CADPS: variants seen among roughly 807,000 people sequenced by gnomAD.
CADPS encodes the protein calcium dependent secretion activator, also known as calcium-dependent secretion activator 1.
CADPS carries 57 observed loss-of-function variants against 167.3 expected under a neutral mutation model. The ratio of observed to expected loss-of-function variants is 0.34; its 90% CI spans 0.28 to 0.42. CADPS has a LOEUF of 0.42. Ranked by LOEUF, CADPS falls within the 20% of genes least tolerant of loss-of-function variation. CADPS has a pLI of 1.00. For missense variants in CADPS, 1,414 were observed against 1,738.1 expected, an observed-to-expected ratio of 0.81 and a Z score of 3.32; for synonymous variants, 676 against 635.3, an observed-to-expected ratio of 1.06 and a Z score of -0.96.
At chr3:62,635,014 C>T (rs9835525) in intron 6 of CADPS, among the ~76,000 whole-genome samples, 8,017 of 152,180 alleles carry the variant, frequency 0.053, 208 homozygotes, top group Middle Eastern at 0.071. Context: ...CTGCATTGGA[C>T]GCTTGGTTCT....
chr3:62,405,469 AT>A (rs1045381033), intron 28 of CADPS, among the ~76,000 whole-genome samples: 1 of 151,942 alleles, frequency 6.6e-6, no homozygotes, highest in African/African-American at 2.4e-5. Context: ...AAAAAATAAA[AT>A]AACGCAACCC....
intron 17 of CADPS, among the ~76,000 whole-genome samples, chr3:62,505,694 A>G (rs994482262): frequency 3.9e-5 from 6 of 152,228 alleles, no homozygotes; most frequent in African/African-American, 1.4e-4. Flanking sequence ...TTCATATGCC[A>G]TAACAAGAGA....
intron 3 of CADPS, among the ~76,000 whole-genome samples, chr3:62,688,768 C>T (rs989483806): frequency 6.6e-6 from 1 of 152,002 alleles, no homozygotes; most frequent in Non-Finnish European, 1.5e-5. Flanking sequence ...TCCTCAGACA[C>T]TCAGTGTCAC....
Position 62,662,663 on chromosome 3 carries a change from T to C in CADPS, c.889-269A>G, listed in dbSNP as rs369194555. Among the ~76,000 whole-genome samples the C allele has an allele frequency of 5.2e-4, 79 of 152,238 alleles. No homozygotes were observed. The South Asian group carries it at 5.6e-3, about 11-fold the overall frequency. ...TCTTCTGAACTGTTGGGCAGCAGTG[T>C]TTCTAATGAGGACCAATGCACACTT... is the stretch of plus-strand genomic sequence containing the variant. On this transcript the variant is annotated intron_variant, in intron 3 of 29. Transcript: ENST00000383710.
chr3:62,672,280 C>A (rs1250343218), intron 3 of CADPS, among the ~76,000 whole-genome samples: 1 of 152,168 alleles, frequency 6.6e-6, no homozygotes, highest in Non-Finnish European at 1.5e-5. Context: ...TTCTAAACAT[C>A]TCCTGGGTGG....
At chr3:62,577,439 T>C (rs954764014) in intron 8 of CADPS, among the ~76,000 whole-genome samples, 5 of 152,158 alleles carry the variant, frequency 3.3e-5, no homozygotes, top group Admixed American at 3.3e-4. Context: ...ACAAGAACCA[T>C]GATTCCTACA....
chr3:62,560,404 T>C (rs77846028), intron 9 of CADPS, among the ~76,000 whole-genome samples: 1 of 152,214 alleles, frequency 6.6e-6, no homozygotes, highest in Admixed American at 6.5e-5. Context: ...GAAAAATTAA[T>C]GAGGCAGTGA....
chr3:62,515,809 C>G (rs1431410288), intron 16 of CADPS, among the ~76,000 whole-genome samples: 1 of 152,112 alleles, frequency 6.6e-6, no homozygotes, highest in East Asian at 1.9e-4. Context: ...ATTTAGTTAT[C>G]TGATAACATC....
chr3:62,495,877 C>A (rs1326175934), intron 18 of CADPS, among the ~76,000 whole-genome samples: 1 of 152,094 alleles, frequency 6.6e-6, no homozygotes, highest in Non-Finnish European at 1.5e-5. Flanking sequence ...GTACTCTTAG[C>A]TGGTGAGATT....
At chr3:62,561,926 C>T (rs1258790504) in intron 9 of CADPS, among the ~76,000 whole-genome samples, 2 of 152,264 alleles carry the variant, frequency 1.3e-5, no homozygotes, top group African/African-American at 4.8e-5. Context: ...ATAATAGATA[C>T]ATTCATTCTT....
chr3:62,687,168 A>G (rs924741212), intron 3 of CADPS, among the ~76,000 whole-genome samples: 1 of 152,096 alleles, frequency 6.6e-6, no homozygotes, highest in African/African-American at 2.4e-5. Context: ...ATCAGGGTTG[A>G]GGGGGCCCAA....
intron 3 of CADPS, among the ~76,000 whole-genome samples, chr3:62,670,628 T>G (rs958438006): frequency 3.9e-5 from 6 of 152,016 alleles, no homozygotes; most frequent in Non-Finnish European, 5.9e-5. Context: ...GCAGTAAATA[T>G]AACCCAAGAG....
intron 6 of CADPS, among the ~76,000 whole-genome samples, chr3:62,641,391 T>C (rs2067385327): frequency 6.6e-6 from 1 of 152,210 alleles, no homozygotes. Context: ...CATTTTCTGG[T>C]ATTACTTAAC....
intron 13 of CADPS, among the ~76,000 whole-genome samples, chr3:62,518,504 G>A (rs2069567038): frequency 1.3e-5 from 2 of 152,172 alleles, no homozygotes; most frequent in African/African-American, 4.8e-5. Context: ...GTGGCTTGAA[G>A]GTTAAGTCCA....
At position 62,753,746 on chromosome 3, in the gene CADPS, G is replaced by C; in HGVS notation, c.583C>G (p.Arg195Gly). Residue 195 changes from arginine to glycine, a missense_variant, in exon 3 of 30, where the codon CGC (arginine) becomes GGC (glycine). Arg to Gly is a moderately radical substitution (Grantham distance 125, BLOSUM62 -2). Coordinates refer to ENST00000383710, the MANE Select transcript of CADPS (RefSeq NM_003716.4). The surrounding 1 kb of genome is among the most constrained non-coding windows in gnomAD (Gnocchi z 4.6). ...EVFLKSDRVA[R>G]MVQSGGCSAN... Reference sequence around the variant, plus strand: ...GAACAGCCTCCACTCTGAACCATGCGGGCCACACGGTCGCTCTTCAGGAAC... The same window carrying C: ...GAACAGCCTCCACTCTGAACCATGCCGGCCACACGGTCGCTCTTCAGGAAC... 1 of 1,613,556 alleles carries C rather than the reference G, an allele frequency of 6.2e-7. No individual in the cohort carries two copies. Among genetic ancestry groups the C allele is most frequent in the Non-Finnish European group, 8.5e-7 (1 of 1,179,628 alleles).
chr3:62,741,493 C>T (rs895286224), intron 3 of CADPS, among the ~76,000 whole-genome samples: 1 of 152,126 alleles, frequency 6.6e-6, no homozygotes, highest in Non-Finnish European at 1.5e-5. Context: ...AAATGTGATT[C>T]ATCACATAAG....
chr3:62,487,555 C>T (rs1044459714), intron 21 of CADPS, among the ~76,000 whole-genome samples: 1 of 152,196 alleles, frequency 6.6e-6, no homozygotes, highest in African/African-American at 2.4e-5. Context: ...AAAGAGATGA[C>T]ATTGTCCACC....
At chr3:62,502,570 A>G (rs1026074679) in intron 17 of CADPS, among the ~76,000 whole-genome samples, 3 of 152,204 alleles carry the variant, frequency 2.0e-5, no homozygotes, top group African/African-American at 7.2e-5. Context: ...ATATGTGGAC[A>G]TTTGGAAATA....
intron 1 of CADPS, among the ~76,000 whole-genome samples, chr3:62,772,597 G>T (rs1002087599): frequency 5.3e-5 from 8 of 151,998 alleles, no homozygotes; most frequent in African/African-American, 1.7e-4. Flanking sequence ...CCCATCTCTG[G>T]TTTTTTCATT....
Sources: allele counts gnomAD v4.1 joint callset (sites outside exome capture counted in the v4.1 genomes callset), GRCh38; gene constraint gnomAD v4.1.1; non-coding constraint Gnocchi (gnomAD v3.1); transcripts MANE v1.5; gene names NCBI Gene and HGNC (gene_info 2026-07-23, HGNC 2026-07-21).